The following PIP5K1B variants were observed in gnomAD, a reference collection of about 807,000 sequenced individuals.
PIP5K1B encodes phosphatidylinositol-4-phosphate 5-kinase type 1 beta, also known as phosphatidylinositol 4-phosphate 5-kinase type-1 beta.
PIP5K1B carries 42 observed loss-of-function variants against 67.0 expected under a neutral mutation model. The ratio of observed to expected loss-of-function variants is 0.63; its 90% CI spans 0.49 to 0.81. PIP5K1B has a LOEUF of 0.81. PIP5K1B is among the 30% of genes least tolerant of loss of function. The pLI, the probability that PIP5K1B is intolerant of heterozygous loss-of-function variation, is 0.00. For synonymous variants in PIP5K1B, 214 were observed against 231.4 expected, an observed-to-expected ratio of 0.92 and a Z score of 0.68; for missense variants, 459 against 646.3, an observed-to-expected ratio of 0.71 and a Z score of 3.14.
chr9:68,965,379 A>G (rs1828966958), intron 14 of PIP5K1B, among the ~76,000 whole-genome samples: 1 of 152,202 alleles, frequency 6.6e-6, no homozygotes, highest in Non-Finnish European at 1.5e-5. Flanking sequence ...CTTCTGATGG[A>G]TAGTCTAGTT....
At chr9:68,772,107 C>A (rs1015152697) in intron 2 of PIP5K1B, among the ~76,000 whole-genome samples, 4 of 152,128 alleles carry the variant, frequency 2.6e-5, no homozygotes, top group Non-Finnish European at 4.4e-5. Flanking sequence ...AAGTTGTCAC[C>A]TTCTAAAACC....
At chr9:68,917,258 A>G (rs924952681) in intron 8 of PIP5K1B, among the ~76,000 whole-genome samples, 1 of 152,218 alleles carries the variant, frequency 6.6e-6, no homozygotes, top group Non-Finnish European at 1.5e-5. Flanking sequence ...TGGCACATGG[A>G]AAGTACTCAA....
chr9:68,970,681 T>C (rs1237160344), intron 14 of PIP5K1B, among the ~76,000 whole-genome samples: 4 of 152,244 alleles, frequency 2.6e-5, no homozygotes, highest in African/African-American at 9.6e-5. Flanking sequence ...ATCATGTTCA[T>C]TTAAATTGTG....
intron 15 of PIP5K1B, among the ~76,000 whole-genome samples, chr9:68,999,470 G>A (rs991777009): frequency 7.2e-5 from 11 of 152,198 alleles, no homozygotes; most frequent in African/African-American, 2.4e-4. Context: ...CTCACAAAGA[G>A]GTATCAGGTA....
chr9:68,866,546 A>G (rs1265757981), intron 5 of PIP5K1B, among the ~76,000 whole-genome samples: 1 of 152,206 alleles, frequency 6.6e-6, no homozygotes, highest in Non-Finnish European at 1.5e-5. Context: ...GGCTAAATAG[A>G]TATTGATGTT....
At chr9:68,848,736 TTTA>T (rs1822324688) in intron 4 of PIP5K1B, among the ~76,000 whole-genome samples, 1 of 152,218 alleles carries the variant, frequency 6.6e-6, no homozygotes, top group South Asian at 2.1e-4. Context: ...GCATGGAAAT[TTTA>T]TTGTTTTAGA....
intron 1 of PIP5K1B, among the ~76,000 whole-genome samples, chr9:68,713,853 C>G (rs1827510838): frequency 6.6e-6 from 1 of 152,202 alleles, no homozygotes; most frequent in African/African-American, 2.4e-5. Context: ...GTTCCAGGCA[C>G]TCCTCAAGTG....
chr9:68,925,410 T>C (rs1341630751), intron 12 of PIP5K1B, among the ~76,000 whole-genome samples: 1 of 152,196 alleles, frequency 6.6e-6, no homozygotes, highest in East Asian at 1.9e-4. Context: ...ATTATGCCAC[T>C]CTGATAAGTA....
At chr9:68,900,712 G>C (rs566081768) in intron 8 of PIP5K1B, among the ~76,000 whole-genome samples, 4 of 151,992 alleles carry the variant, frequency 2.6e-5, no homozygotes, top group Non-Finnish European at 5.9e-5. Flanking sequence ...TATAATTTTT[G>C]TTGAGCCGCA....
At chr9:68,967,844 G>A (rs1009682125) in intron 14 of PIP5K1B, among the ~76,000 whole-genome samples, 1 of 152,142 alleles carries the variant, frequency 6.6e-6, no homozygotes, top group African/African-American at 2.4e-5. Context: ...TTCTCTGAGA[G>A]TATGATGAGC....
rs72304177 is a variant in PIP5K1B, at chr9:68,764,074, C to CTTTT, written c.-86+21440_-86+21443dup. On this transcript the variant is annotated intron_variant, in intron 2 of 15. Transcript: ENST00000265382. The stretch of plus-strand genomic sequence containing the variant: ...TTTGGACACCCCTCTACTATAACTT[C>CTTTT]TTTTTTTTTTTTTTTTTTTTTTTTT... 9.4e-4 allele frequency among the ~76,000 whole-genome samples: 69 copies of CTTTT among 73,550 alleles called. 4 individuals are homozygous for CTTTT. Among genetic ancestry groups the CTTTT allele is most frequent in the East Asian group, 5.2e-3 (11 of 2,098 alleles). The allele number at this position is 73,550 out of a possible 152,430, so 48.3% of individuals were successfully genotyped here. A position where few individuals can be genotyped will look rare whatever the true frequency, so the allele number is the denominator to read the frequency against.
intron 15 of PIP5K1B, among the ~76,000 whole-genome samples, chr9:68,997,852 T>G (rs192013930): frequency 6.6e-6 from 1 of 152,264 alleles, no homozygotes; most frequent in Admixed American, 6.5e-5. Context: ...ATTAAACTGC[T>G]GTTTAAGGAT....
chr9:68,886,641 CT>C lies in PIP5K1B; in HGVS notation c.319-2336del, dbSNP rs138907682. On this transcript the variant is annotated intron_variant, in intron 6 of 15. Transcript: ENST00000265382. ...CATCCAGGGCCAGGAAGCAATTGAT[CT>C]TTTATCCGCGGAACCAGGAAGAGTT... Among the ~76,000 whole-genome samples the C allele has an allele frequency of 6.5e-4, 99 of 152,308 alleles. 1 individual carries two copies. The highest frequency in any genetic ancestry group is 2.1e-3 in the African/African-American group (88 of 41,566).
intron 8 of PIP5K1B, among the ~76,000 whole-genome samples, chr9:68,913,586 A>C (rs984821260): frequency 2.6e-5 from 4 of 152,214 alleles, no homozygotes; most frequent in Non-Finnish European, 5.9e-5. Context: ...TTTGTTTTAA[A>C]ATATATGCAT....
At chr9:68,989,187 A>AT in intron 14 of PIP5K1B, among the ~76,000 whole-genome samples, 1 of 151,284 alleles carries the variant, frequency 6.6e-6, no homozygotes, top group East Asian at 1.9e-4. Context: ...AATATTTCAC[A>AT]TATCTTCAAT....
intron 6 of PIP5K1B, among the ~76,000 whole-genome samples, chr9:68,877,924 C>G (rs1454623671): frequency 1.3e-5 from 2 of 152,084 alleles, no homozygotes; most frequent in African/African-American, 4.8e-5. Flanking sequence ...ATATATTACT[C>G]TCTTTCTCTC....
intron 14 of PIP5K1B, among the ~76,000 whole-genome samples, chr9:68,974,537 A>G (rs1034643286): frequency 2.6e-5 from 4 of 152,224 alleles, no homozygotes; most frequent in South Asian, 2.1e-4. Flanking sequence ...AAGTATGTCT[A>G]TCCCTAAACT....
At position 69,008,578 on chromosome 9, in the gene PIP5K1B, T is replaced by C. The variant is rs1831193956; in HGVS notation, c.*129T>C. 7.8e-6 allele frequency: 7 copies of C among 899,856 alleles called. No individual in the cohort carries two copies. The highest frequency in any genetic ancestry group is 3.6e-5 in the Admixed American group (2 of 55,580). 55.7% of individuals were successfully genotyped at this position (899,856 alleles called of 1,614,324 possible). On this transcript the variant is annotated 3_prime_UTR_variant, in exon 16 of 16. Transcript: ENST00000265382. ...ACTACACACAGAGAAATCATCAACC[T>C]GACTTAAGAGTTTTCAAGATGTCAA...
chr9:68,735,632 C>A (rs760452012), intron 1 of PIP5K1B, among the ~76,000 whole-genome samples: 1 of 152,154 alleles, frequency 6.6e-6, no homozygotes. Flanking sequence ...TCAAGTGATC[C>A]GCTTGCCTCA....
Sources: allele counts gnomAD v4.1 joint callset (sites outside exome capture counted in the v4.1 genomes callset), GRCh38; gene constraint gnomAD v4.1.1; transcripts MANE v1.5; gene names NCBI Gene and HGNC (gene_info 2026-07-23, HGNC 2026-07-21).